SORL1: variants seen among roughly 807,000 people sequenced by gnomAD.
SORL1 encodes the protein sortilin-related receptor.
Under a neutral mutation model 273.7 loss-of-function variants are expected in SORL1, and 127 were observed. That is an observed-to-expected ratio of 0.46 (90% CI 0.40 to 0.54). SORL1 has a LOEUF of 0.54. Among genes scored for constraint, SORL1 ranks in the 20% least tolerant of loss-of-function variants. SORL1 has a pLI of 0.00. For missense variants in SORL1, 2,494 were observed against 2,846.1 expected (o/e 0.88, Z 2.81); for synonymous variants, 1,031 against 1,067.4 (o/e 0.97, Z 0.66).
chr11:121,517,017 A>C (rs906047535), intron 8 of SORL1, among the ~76,000 whole-genome samples: 4 of 152,168 alleles, frequency 2.6e-5, no homozygotes, highest in African/African-American at 9.7e-5. Context: ...GTGCTACTGC[A>C]CTTCAGCCTG....
At chr11:121,564,165 G>A (rs1862719497) in intron 21 of SORL1, among the ~76,000 whole-genome samples, 1 of 152,214 alleles carries the variant, frequency 6.6e-6, no homozygotes. Context: ...TTGTCATCCT[G>A]TATAAAGGGT....
At position 121,632,797 on chromosome 11, in the gene SORL1, G is replaced by A. The variant is rs1218428150; in HGVS notation, c.*3234G>A. 1.3e-5 allele frequency: 2 copies of A among 152,020 alleles called. No individual in the cohort carries two copies. The highest frequency in any genetic ancestry group is 2.9e-5 in the Non-Finnish European group (2 of 68,004). 9.4% of individuals were successfully genotyped at this position (152,020 alleles called of 1,614,324 possible). ...TATATTTCCAGTACACTTCCTTAGG[G>A]CAGAAACACCATCCTATCAGGTTTG... On this transcript the variant is annotated 3_prime_UTR_variant, in exon 48 of 48. Coordinates refer to ENST00000260197, the MANE Select transcript of SORL1 (RefSeq NM_003105.6).
intron 37 of SORL1, 109 bp from the exon 38 acceptor site, chr11:121,607,995 C>A: frequency 1.1e-6 from 1 of 929,578 alleles, no homozygotes; most frequent in Non-Finnish European, 1.7e-6. Flanking sequence ...TAAAATTTTT[C>A]CAGCCTCACT....
At chr11:121,578,035 G>T (rs1277105444) in intron 25 of SORL1, among the ~76,000 whole-genome samples, 1 of 152,096 alleles carries the variant, frequency 6.6e-6, no homozygotes, top group Admixed American at 6.5e-5. Context: ...GTGGAGAAAT[G>T]AAAACAAATT....
intron 21 of SORL1, among the ~76,000 whole-genome samples, chr11:121,560,405 A>G (rs1212237823): frequency 6.6e-6 from 1 of 152,194 alleles, no homozygotes. Flanking sequence ...GAAAGCCTTT[A>G]TCATTTCATG....
At position 121,543,681 on chromosome 11, in the gene SORL1, G is replaced by A; in HGVS notation, c.1819G>A (p.Val607Ile). 1 of 1,614,078 alleles carries A rather than the reference G, an allele frequency of 6.2e-7. No individual in the cohort carries two copies. Among genetic ancestry groups the A allele is most frequent in the East Asian group, 2.2e-5 (1 of 44,888 alleles). The change falls in exon 13 of 48, where the codon GTC (valine) becomes ATC (isoleucine). Residue 607 changes from valine to isoleucine, a missense_variant. By Grantham distance (29) the Val-to-Ile change is conservative (BLOSUM62 3). Transcript: ENST00000260197. ...FTIFGSNKEN[V>I]HSWLILQVNA... is the part of the protein sequence containing the mutation. Reference sequence around the variant, plus strand: ...CATCTTTGGCTCGAACAAAGAGAATGTCCACAGCTGGCTGATCCTCCAGGT... The same window carrying A: ...CATCTTTGGCTCGAACAAAGAGAATATCCACAGCTGGCTGATCCTCCAGGT...
chr11:121,478,312 A>C, intron 3 of SORL1, 69 bp downstream of exon 3: 1 of 1,534,714 alleles, frequency 6.5e-7, no homozygotes. Context: ...GCCGCACTTA[A>C]GGGGGTGCTA....
chr11:121,471,540 A>G (rs922513730), intron 2 of SORL1, among the ~76,000 whole-genome samples: 5 of 152,248 alleles, frequency 3.3e-5, no homozygotes, highest in African/African-American at 1.2e-4. Flanking sequence ...ACGGAACACC[A>G]TGCTTTACAG....
At chr11:121,493,411 C>T (rs960838341) in intron 5 of SORL1, among the ~76,000 whole-genome samples, 1 of 152,150 alleles carries the variant, frequency 6.6e-6, no homozygotes, top group Non-Finnish European at 1.5e-5. Flanking sequence ...CACCCACCAC[C>T]ATGCCTGGCT....
At chr11:121,575,407 G>A (rs1862913009) in intron 24 of SORL1, among the ~76,000 whole-genome samples, 1 of 152,276 alleles carries the variant, frequency 6.6e-6, no homozygotes, top group South Asian at 2.1e-4. Context: ...GTCAGACGCT[G>A]ACCCAGACGT....
chr11:121,629,401 G>T lies in SORL1; in HGVS notation c.6578-95G>T, dbSNP rs1863842447. On this transcript the variant is annotated intron_variant, in intron 47 of 47. Coordinates refer to ENST00000260197, the MANE Select transcript of SORL1 (RefSeq NM_003105.6). ...TGGCATTGACCTTCTCAGCTAGAGGGTTGTGGTAGGGTTGAGGGGTGGGTA... is the reference window on the plus strand; with the variant it reads ...TGGCATTGACCTTCTCAGCTAGAGGTTTGTGGTAGGGTTGAGGGGTGGGTA... The T allele has an allele frequency of 4.0e-6, 3 of 748,424 alleles. No individual in the cohort carries two copies. The Admixed American group carries it at 5.7e-5, about 14-fold the overall frequency. 46.4% of individuals were successfully genotyped at this position (748,424 alleles called of 1,614,324 possible). A position where few individuals can be genotyped will look rare whatever the true frequency, so the allele number is the denominator to read the frequency against.
chr11:121,479,089 A>G (rs761833405), intron 3 of SORL1, among the ~76,000 whole-genome samples: 1 of 152,140 alleles, frequency 6.6e-6, no homozygotes, highest in African/African-American at 2.4e-5. Context: ...TATGGAAAAG[A>G]AAACCAAGGC....
Position 121,605,568 on chromosome 11 carries a change from G to A in SORL1, c.4945G>A (p.Gly1649Arg). The change falls in exon 35 of 48, where the codon GGA becomes AGA. Residue 1649 changes from glycine to arginine, a missense_variant. By Grantham distance (125) the Gly-to-Arg change is moderately radical. Around this residue, in one of 3 missense-constraint regions of SORL1, gnomAD observed 1,609 missense variants for 1,816.4 expected, o/e 0.89. Transcript: ENST00000260197. Reference sequence around the variant, plus strand: ...CTTTGTGACCCTGAGGACCCCAGAGGGATGTAAGTGTTTCAGTTAATTTTT... The same window carrying A: ...CTTTGTGACCCTGAGGACCCCAGAGAGATGTAAGTGTTTCAGTTAATTTTT... ...NDFVTLRTPE[G>R]LPDAPRNLQL... 1 of 1,610,814 alleles carries A rather than the reference G, an allele frequency of 6.2e-7. No homozygotes were observed. The highest frequency in any genetic ancestry group is 8.5e-7 in the Non-Finnish European group (1 of 1,177,408).
At chr11:121,629,454 A>G (rs755079341) in intron 47 of SORL1, 42 bp from the exon 48 acceptor site, 6 of 1,016,252 alleles carry the variant, frequency 5.9e-6, no homozygotes, top group Non-Finnish European at 9.5e-6. Context: ...GTCAGGTGAA[A>G]ATGTGTTGGA....
intron 1 of SORL1, among the ~76,000 whole-genome samples, chr11:121,465,261 A>G (rs1487601983): frequency 1.3e-5 from 2 of 152,168 alleles, no homozygotes; most frequent in Admixed American, 1.3e-4. Context: ...GTGTCATGCA[A>G]TCATGCAATA....
At chr11:121,506,050 A>G (rs1861781314) in intron 6 of SORL1, among the ~76,000 whole-genome samples, 1 of 152,172 alleles carries the variant, frequency 6.6e-6, no homozygotes, top group African/African-American at 2.4e-5. Flanking sequence ...AACTGTTGAA[A>G]TCTTTAAGTA....
At chr11:121,591,476 G>A (rs1863213733) in intron 31 of SORL1, among the ~76,000 whole-genome samples, 2 of 152,190 alleles carry the variant, frequency 1.3e-5, no homozygotes, top group South Asian at 4.1e-4. Flanking sequence ...CTTCTTAGTG[G>A]GAAAGTACAA....
chr11:121,549,805 T>C (rs1406833757), intron 14 of SORL1, among the ~76,000 whole-genome samples, 155 bp from the exon 15 acceptor site: 2 of 152,130 alleles, frequency 1.3e-5, no homozygotes, highest in Non-Finnish European at 2.9e-5. Flanking sequence ...CTTTTGAAGA[T>C]GTATTTTATA....
At chr11:121,589,921 T>A in intron 29 of SORL1, 119 bp from the exon 30 acceptor site, 4 of 1,206,972 alleles carry the variant, frequency 3.3e-6, no homozygotes, top group Non-Finnish European at 4.7e-6. Flanking sequence ...CTTATCTCTT[T>A]ATGGGTGGGA....
Sources: allele counts gnomAD v4.1 joint callset (sites outside exome capture counted in the v4.1 genomes callset), GRCh38; gene constraint gnomAD v4.1.1; regional missense constraint gnomAD v4.1.1; transcripts MANE v1.5; gene names NCBI Gene and HGNC (gene_info 2026-07-23, HGNC 2026-07-21).